RAF1: variants seen among roughly 807,000 people sequenced by gnomAD.
The protein encoded by RAF1 is RAF proto-oncogene serine/threonine-protein kinase.
RAF1 carries 27 observed loss-of-function variants against 81.1 expected under a neutral mutation model. The observed-to-expected ratio is 0.33, with a 90% confidence interval of 0.25 to 0.46. RAF1 has a LOEUF of 0.46. Ranked by LOEUF, RAF1 falls within the 20% of genes least tolerant of loss-of-function variation. The probability of loss-of-function intolerance (pLI) is 1.00; values close to 1 mark genes in which losing one functional copy is unlikely to be tolerated. For synonymous variants in RAF1, 298 were observed against 294.0 expected, an observed-to-expected ratio of 1.01 and a Z score of -0.14; for missense variants, 598 against 826.0, an observed-to-expected ratio of 0.72 and a Z score of 3.38.
chr3:12,653,859 G>A (rs966630746), intron 1 of RAF1, among the ~76,000 whole-genome samples: 4 of 152,062 alleles, frequency 2.6e-5, no homozygotes, highest in Non-Finnish European at 4.4e-5. Flanking sequence ...TGCTGGAAGC[G>A]CTCCCAAGAA....
At chr3:12,618,160 A>G (rs922040144) in intron 2 of RAF1, among the ~76,000 whole-genome samples, 2 of 152,196 alleles carry the variant, frequency 1.3e-5, no homozygotes, top group African/African-American at 4.8e-5. Context: ...GCTTTAGGTG[A>G]ATATTTTAAT....
At chr3:12,660,898 C>T (rs2060854739) in intron 1 of RAF1, among the ~76,000 whole-genome samples, 1 of 152,102 alleles carries the variant, frequency 6.6e-6, no homozygotes. Flanking sequence ...TGCTTAAACC[C>T]AGGAGGCAGA....
chr3:12,620,296 G>A (rs1406843914), intron 1 of RAF1, among the ~76,000 whole-genome samples: 1 of 151,924 alleles, frequency 6.6e-6, no homozygotes. Flanking sequence ...CACCACGCCC[G>A]ACTGATTTTT....
chr3:12,648,700 C>A (rs1018948775), intron 1 of RAF1, among the ~76,000 whole-genome samples: 9 of 151,992 alleles, frequency 5.9e-5, no homozygotes, highest in Non-Finnish European at 8.8e-5. Context: ...GAGCCGAGAT[C>A]GCACCACTGT....
At chr3:12,637,115 C>T (rs2060055019) in intron 1 of RAF1, among the ~76,000 whole-genome samples, 1 of 152,120 alleles carries the variant, frequency 6.6e-6, no homozygotes, top group South Asian at 2.1e-4. Flanking sequence ...TTGTGTACCT[C>T]CGCTAGTAAA....
chr3:12,633,814 A>C (rs1455508874), intron 1 of RAF1, among the ~76,000 whole-genome samples: 1 of 151,608 alleles, frequency 6.6e-6, no homozygotes, highest in Admixed American at 6.6e-5. Flanking sequence ...GCGCACCTGT[A>C]ATCTCAGCTA....
intron 1 of RAF1, among the ~76,000 whole-genome samples, chr3:12,635,655 AAAAAAG>A (rs1336023059): frequency 1.9e-3 from 285 of 149,662 alleles, no homozygotes; most frequent in Non-Finnish European, 3.8e-3. Context: ...AAAAAAAAAA[AAAAAAG>A]AGAGAGAGAG....
chr3:12,645,896 A>G (rs2060334756), intron 1 of RAF1, among the ~76,000 whole-genome samples: 2 of 152,118 alleles, frequency 1.3e-5, no homozygotes, highest in Admixed American at 1.3e-4. Context: ...TTTTAAATAA[A>G]TATTGTTTGT....
intron 15 of RAF1, 197 bp from the exon 15 acceptor site, chr3:12,585,450 A>C: frequency 2.0e-6 from 2 of 985,102 alleles, no homozygotes; most frequent in Non-Finnish European, 2.4e-6. Context: ...AAGGACCAAG[A>C]CCCAGCATTT....
At chr3:12,592,017 A>G (rs2058530940) in intron 11 of RAF1, 1 of 573,696 alleles carries the variant, frequency 1.7e-6, no homozygotes, top group Admixed American at 2.7e-5. Flanking sequence ...GGCTTAAGCA[A>G]TCCTCCCACC....
intron 1 of RAF1, among the ~76,000 whole-genome samples, chr3:12,643,646 G>C (rs1255616327): frequency 6.6e-6 from 1 of 151,842 alleles, no homozygotes; most frequent in South Asian, 2.1e-4. Context: ...TGAGGCAGGA[G>C]AATCGCTTGA....
chr3:12,650,038 C>T (rs900812002), intron 1 of RAF1, among the ~76,000 whole-genome samples: 3 of 144,308 alleles, frequency 2.1e-5, no homozygotes, highest in Non-Finnish European at 3.0e-5. Context: ...CCCAGCTACT[C>T]GGGAGGCTGA....
intron 2 of RAF1, among the ~76,000 whole-genome samples, chr3:12,613,768 GAAGTTTTTCAC>G (rs1462735098): frequency 6.6e-6 from 1 of 152,242 alleles, no homozygotes; most frequent in Non-Finnish European, 1.5e-5. Flanking sequence ...GGCAACGTAA[GAAGTTTTTCAC>G]AAGGCTTTAT....
At chr3:12,619,340 C>T (rs756993663) in intron 1 of RAF1, among the ~76,000 whole-genome samples, 38 of 151,496 alleles carry the variant, frequency 2.5e-4, no homozygotes, top group African/African-American at 9.0e-4. Flanking sequence ...GAGGCCAGCG[C>T]ATCACTTGAG....
At chr3:12,629,747 T>A (rs1472960724) in intron 1 of RAF1, among the ~76,000 whole-genome samples, 3 of 152,178 alleles carry the variant, frequency 2.0e-5, no homozygotes, top group Non-Finnish European at 4.4e-5. Context: ...TCTGGCTCTT[T>A]CCTCTACTCT....
chr3:12,585,320 G>A (rs1236750911), intron 15 of RAF1, 67 bp from the exon 15 acceptor site: 5 of 1,605,340 alleles, frequency 3.1e-6, no homozygotes, highest in Admixed American at 1.7e-5. Context: ...GACATCTAGG[G>A]GCCAGGCTGT....
chr3:12,584,956 T>A lies in RAF1; in HGVS notation c.1754A>T (p.Tyr585Phe). 2.5e-6 allele frequency: 4 copies of A among 1,614,122 alleles called. No homozygotes were observed. Among genetic ancestry groups the A allele is most frequent in the South Asian group, 1.1e-5 (1 of 91,082 alleles). The stretch of plus-strand genomic sequence containing the variant: ...TAGCTTACTAAGATCTGGGGAGGCA[T>A]ATCCTCGGCCCACCATGAAGATGAT... The change falls in exon 17 of 18, where the codon TAT becomes TTT. Residue 585 changes from tyrosine (Y) to phenylalanine (F), a missense_variant. Coordinates refer to ENST00000442415, the MANE Select transcript of RAF1 (RefSeq NM_001354689.3).
chr3:12,635,769 T>C (rs13097767), intron 1 of RAF1, among the ~76,000 whole-genome samples: 20,564 of 150,762 alleles, frequency 0.14, 1,559 homozygotes, highest in Admixed American at 0.21. Context: ...GTCAGGAGAT[T>C]GAGACCATCC....
At chr3:12,613,247 G>C (rs2059271079) in intron 2 of RAF1, among the ~76,000 whole-genome samples, 1 of 152,174 alleles carries the variant, frequency 6.6e-6, no homozygotes, top group African/African-American at 2.4e-5. Flanking sequence ...AGCCCTCCAT[G>C]TTTAACTTCA....
Sources: gnomAD v4.1 joint callset for allele counts (sites outside exome capture counted in the v4.1 genomes callset) on GRCh38, gnomAD v4.1.1 for gene constraint, MANE v1.5 for transcripts, NCBI Gene and HGNC (gene_info 2026-07-23, HGNC 2026-07-21) for gene names.